Variants in NBAS observed in about 807,000 individuals in gnomAD.
NBAS encodes the protein NAG/BC035112 fusion.
In NBAS, 219 loss-of-function variants were observed where a neutral mutation model predicts 302.5. The observed-to-expected ratio is 0.72, with a 90% CI of 0.65 to 0.81. The LOEUF (loss-of-function observed/expected upper bound fraction) is 0.81, where lower values mean the gene tolerates loss of function less well. Among genes scored for constraint, NBAS ranks in the 30% least tolerant of loss-of-function variants. The pLI, the probability that NBAS is intolerant of heterozygous loss-of-function variation, is 0.00. For missense variants in NBAS, 2,932 were observed against 2,841.6 expected, an observed-to-expected ratio of 1.03 and a Z score of -0.72; for synonymous variants, 1,118 against 1,021.6, an observed-to-expected ratio of 1.09 and a Z score of -1.80.
chr2:14,827,549 C>A, the NBAS span, among the ~76,000 whole-genome samples: 1 of 152,196 alleles, frequency 6.6e-6, no homozygotes, highest in Non-Finnish European at 1.5e-5. Flanking sequence ...GAAACAGCCT[C>A]CATGTTCATC....
chr2:15,005,303 C>G, the NBAS span, among the ~76,000 whole-genome samples: 1 of 152,208 alleles, frequency 6.6e-6, no homozygotes, highest in Non-Finnish European at 1.5e-5. Context: ...CCCCAACATC[C>G]CTGGCAGCCA....
chr2:15,533,673 GGTGTGCGTGTGTGTGTGTGTGT>G (rs1308768248), intron 9 of NBAS, among the ~76,000 whole-genome samples: 1 of 130,678 alleles, frequency 7.7e-6, no homozygotes, highest in Non-Finnish European at 1.6e-5. Context: ...GACTTCGGGG[GGTGTGCGTGTGTGTGTGTGTGT>G]GTGTGTGTGT....
the NBAS span, among the ~76,000 whole-genome samples, chr2:14,904,356 G>A: frequency 2.0e-5 from 3 of 152,158 alleles, no homozygotes; most frequent in East Asian, 1.9e-4. Flanking sequence ...CCCAAGGCCC[G>A]AGAGCCCCTG....
chr2:15,173,532 C>A (rs1005187586), intron 51 of NBAS, among the ~76,000 whole-genome samples: 3 of 152,102 alleles, frequency 2.0e-5, no homozygotes, highest in African/African-American at 7.2e-5. Context: ...AATAAAAGGA[C>A]AACGTAAGTA....
At chr2:14,844,311 G>C in the NBAS span, among the ~76,000 whole-genome samples, 1 of 152,066 alleles carries the variant, frequency 6.6e-6, no homozygotes, top group Non-Finnish European at 1.5e-5. Context: ...GGCCAGAAGG[G>C]AACTCACTGC....
chr2:14,833,668 G>A, the NBAS span, among the ~76,000 whole-genome samples: 1 of 151,242 alleles, frequency 6.6e-6, no homozygotes, highest in Non-Finnish European at 1.5e-5. Context: ...TCATTTATGT[G>A]CGTATTACAA....
the NBAS span, among the ~76,000 whole-genome samples, chr2:15,066,256 T>C: frequency 6.6e-6 from 1 of 152,214 alleles, no homozygotes; most frequent in Non-Finnish European, 1.5e-5. Context: ...TGATTTATAC[T>C]TAAGACCTGA....
intron 51 of NBAS, among the ~76,000 whole-genome samples, chr2:15,172,655 A>T (rs928005032): frequency 2.6e-5 from 4 of 152,222 alleles, no homozygotes; most frequent in African/African-American, 9.6e-5. Context: ...AAAATCACAC[A>T]GCCCTGCCAG....
the NBAS span, among the ~76,000 whole-genome samples, chr2:14,954,434 CA>C: frequency 3.0e-4 from 45 of 152,228 alleles, no homozygotes; most frequent in African/African-American, 1.1e-3. Flanking sequence ...ACATGCTGAC[CA>C]CCTGTTTGCT....
At chr2:14,956,199 C>T in the NBAS span, among the ~76,000 whole-genome samples, 1 of 152,204 alleles carries the variant, frequency 6.6e-6, no homozygotes, top group African/African-American at 2.4e-5. Flanking sequence ...ACAAGTTTCT[C>T]ATCTCCATCT....
chr2:14,819,459 G>C, the NBAS span, among the ~76,000 whole-genome samples: 1 of 152,174 alleles, frequency 6.6e-6, no homozygotes, highest in Non-Finnish European at 1.5e-5. Context: ...TTTAAGCCCA[G>C]CTATGAAGTA....
At chr2:14,784,809 T>C in the NBAS span, among the ~76,000 whole-genome samples, 3 of 152,212 alleles carry the variant, frequency 2.0e-5, no homozygotes, top group Non-Finnish European at 4.4e-5. Flanking sequence ...CAGGCTCTTT[T>C]TTGGTTCCAT....
At chr2:14,821,454 G>A in the NBAS span, among the ~76,000 whole-genome samples, 1 of 152,122 alleles carries the variant, frequency 6.6e-6, no homozygotes, top group African/African-American at 2.4e-5. Flanking sequence ...TGGATTTGGT[G>A]TTATCACTCT....
the NBAS span, among the ~76,000 whole-genome samples, chr2:15,052,403 A>G: frequency 6.6e-6 from 1 of 152,174 alleles, no homozygotes; most frequent in Non-Finnish European, 1.5e-5. Context: ...CCACTCATGG[A>G]TTTCTGAATA....
chr2:15,525,555 G>T (rs992169438), intron 9 of NBAS, among the ~76,000 whole-genome samples: 1 of 152,122 alleles, frequency 6.6e-6, no homozygotes, highest in Non-Finnish European at 1.5e-5. Context: ...TATACATTTA[G>T]TAAAAATCAA....
chr2:14,836,139 G>T, the NBAS span, among the ~76,000 whole-genome samples: 1 of 151,820 alleles, frequency 6.6e-6, no homozygotes, highest in Admixed American at 6.6e-5. Context: ...TTTCCACTGG[G>T]TGGTCTATCT....
the NBAS span, among the ~76,000 whole-genome samples, chr2:15,097,698 C>A: frequency 6.6e-6 from 1 of 151,072 alleles, no homozygotes; most frequent in Admixed American, 6.7e-5. Context: ...CAGGAGGGCT[C>A]CAGGCTCATG....
At chr2:15,355,593 G>T (rs565221999) in intron 33 of NBAS, among the ~76,000 whole-genome samples, 1 of 152,216 alleles carries the variant, frequency 6.6e-6, no homozygotes, top group Admixed American at 6.5e-5. Context: ...CTTGGGGGAG[G>T]TGATTAGATC....
the NBAS span, among the ~76,000 whole-genome samples, chr2:15,012,129 A>G: frequency 2.4e-4 from 36 of 152,212 alleles, no homozygotes; most frequent in African/African-American, 8.2e-4. Flanking sequence ...TCTTAAGGAC[A>G]CTCAGGAAAA....
Sources: allele counts gnomAD v4.1 joint callset (sites outside exome capture counted in the v4.1 genomes callset), GRCh38; gene constraint gnomAD v4.1.1; transcripts MANE v1.5; gene names NCBI Gene and HGNC (gene_info 2026-07-23, HGNC 2026-07-21).